EFCAB6: variants seen among roughly 807,000 people sequenced by gnomAD.
The protein encoded by EFCAB6 is EF-hand calcium-binding domain-containing protein 6.
Under a neutral mutation model 169.8 loss-of-function variants are expected in EFCAB6, and 156 were observed. The ratio of observed to expected loss-of-function variants is 0.92; its 90% confidence interval spans 0.81 to 1.05. The LOEUF is 1.05. Ranked by LOEUF, EFCAB6 falls within the 50% of genes least tolerant of loss-of-function variation. The pLI is 0.00. For missense variants in EFCAB6, 1,800 were observed against 1,829.1 expected (o/e 0.98, Z 0.29); for synonymous variants, 698 against 676.4 (o/e 1.03, Z -0.50).
intron 17 of EFCAB6, among the ~76,000 whole-genome samples, chr22:43,661,401 A>G (rs545465505): frequency 1.2e-3 from 177 of 152,260 alleles, no homozygotes; most frequent in Non-Finnish European, 1.7e-3. Flanking sequence ...AATAAAATGC[A>G]AAAGTCAAAG....
intron 3 of EFCAB6, among the ~76,000 whole-genome samples, chr22:43,779,713 C>A (rs979487667): frequency 7.2e-5 from 11 of 151,906 alleles, no homozygotes; most frequent in African/African-American, 2.7e-4. Context: ...GCACTCCAGC[C>A]TGGGCAACAG....
intron 26 of EFCAB6, among the ~76,000 whole-genome samples, chr22:43,566,559 G>A (rs1345389330): frequency 6.6e-6 from 1 of 152,172 alleles, no homozygotes; most frequent in Non-Finnish European, 1.5e-5. Context: ...CTGCTGTATA[G>A]ACAAAGTAAG....
At chr22:43,613,997 C>T (rs1218601856) in intron 21 of EFCAB6, among the ~76,000 whole-genome samples, 1 of 151,724 alleles carries the variant, frequency 6.6e-6, no homozygotes, top group Non-Finnish European at 1.5e-5. Flanking sequence ...AAAACTCTGA[C>T]GAGAAATGTT....
chr22:43,709,944 T>C (rs866440239), intron 10 of EFCAB6, among the ~76,000 whole-genome samples: 1 of 152,188 alleles, frequency 6.6e-6, no homozygotes, highest in East Asian at 1.9e-4. Flanking sequence ...TGGGGTGCTG[T>C]GGGGAATGGA....
At chr22:43,718,673 C>T (rs568214812) in intron 8 of EFCAB6, among the ~76,000 whole-genome samples, 6 of 152,246 alleles carry the variant, frequency 3.9e-5, no homozygotes, top group Non-Finnish European at 8.8e-5. Context: ...CCCAGCTCCT[C>T]GGGAGGCTGA....
intron 25 of EFCAB6, among the ~76,000 whole-genome samples, chr22:43,580,195 A>G (rs1305961766): frequency 6.6e-6 from 1 of 152,098 alleles, no homozygotes; most frequent in Non-Finnish European, 1.5e-5. Flanking sequence ...CTCTTGCCCA[A>G]GGGCCTCTGT....
chr22:43,564,859 G>A (rs756704812), intron 26 of EFCAB6, among the ~76,000 whole-genome samples: 4 of 152,160 alleles, frequency 2.6e-5, no homozygotes, highest in Non-Finnish European at 5.9e-5. Flanking sequence ...TGGATGATCG[G>A]GAAGACAGAA....
chr22:43,701,035 G>A (rs948298230), intron 10 of EFCAB6, among the ~76,000 whole-genome samples: 1 of 152,066 alleles, frequency 6.6e-6, no homozygotes, highest in East Asian at 1.9e-4. Flanking sequence ...AGATAGCCTC[G>A]TCCTGGTAAA....
At chr22:43,602,490 C>A (rs1227649389) in intron 22 of EFCAB6, among the ~76,000 whole-genome samples, 2 of 152,112 alleles carry the variant, frequency 1.3e-5, no homozygotes, top group Non-Finnish European at 2.9e-5. Context: ...ATGGACATAC[C>A]TAGGAGGCGG....
intron 12 of EFCAB6, among the ~76,000 whole-genome samples, chr22:43,680,998 T>A (rs1389082802): frequency 6.6e-6 from 1 of 152,210 alleles, no homozygotes; most frequent in Non-Finnish European, 1.5e-5. Flanking sequence ...TAGCACAGTG[T>A]TGACTAGAAG....
chr22:43,696,195 T>C (rs1451701257), intron 10 of EFCAB6, among the ~76,000 whole-genome samples: 1 of 151,976 alleles, frequency 6.6e-6, no homozygotes, highest in Admixed American at 6.6e-5. Context: ...AATAATCACA[T>C]AAAAAGAGGA....
At chr22:43,654,627 C>T (rs1407467869) in intron 17 of EFCAB6, among the ~76,000 whole-genome samples, 1 of 152,190 alleles carries the variant, frequency 6.6e-6, no homozygotes, top group Non-Finnish European at 1.5e-5. Context: ...ACTGTCAAGG[C>T]CATCAAAAAC....
chr22:43,559,855 C>T (rs2147111049), intron 26 of EFCAB6, among the ~76,000 whole-genome samples: 1 of 152,044 alleles, frequency 6.6e-6, no homozygotes, highest in East Asian at 1.9e-4. Context: ...CACACTGGGG[C>T]CTATTGTTGG....
At chr22:43,754,154 A>G (rs754209585) in intron 6 of EFCAB6, among the ~76,000 whole-genome samples, 20 of 152,230 alleles carry the variant, frequency 1.3e-4, no homozygotes, top group Non-Finnish European at 2.8e-4. Context: ...TGTACTTCAA[A>G]GGAAGCTGTA....
intron 27 of EFCAB6, among the ~76,000 whole-genome samples, chr22:43,541,056 T>A (rs2047686417): frequency 6.6e-6 from 1 of 152,182 alleles, no homozygotes; most frequent in Non-Finnish European, 1.5e-5. Flanking sequence ...GGGCAACTCC[T>A]TCCAATTTGA....
intron 5 of EFCAB6, among the ~76,000 whole-genome samples, chr22:43,760,214 A>AG (rs967857885): frequency 5.4e-5 from 5 of 93,402 alleles, no homozygotes; most frequent in Admixed American, 1.6e-4. Flanking sequence ...AAAAAAAAAA[A>AG]AAAAAGAAAA....
intron 10 of EFCAB6, among the ~76,000 whole-genome samples, chr22:43,706,421 C>T (rs1350423711): frequency 6.6e-6 from 1 of 152,224 alleles, no homozygotes; most frequent in East Asian, 1.9e-4. Context: ...ATTGCATATT[C>T]TAGCTCATTA....
intron 17 of EFCAB6, among the ~76,000 whole-genome samples, chr22:43,665,447 G>C (rs1222189793): frequency 6.6e-6 from 1 of 152,222 alleles, no homozygotes; most frequent in Non-Finnish European, 1.5e-5. Flanking sequence ...ACCAGGGGCA[G>C]ACTAGGGATT....
chr22:43,680,411 T>C (rs2057957016), intron 12 of EFCAB6, among the ~76,000 whole-genome samples: 1 of 152,142 alleles, frequency 6.6e-6, no homozygotes, highest in Non-Finnish European at 1.5e-5. Context: ...TTTTCCAAGA[T>C]TATTTTGGCT....
Sources: allele counts gnomAD v4.1 joint callset (sites outside exome capture counted in the v4.1 genomes callset), GRCh38; gene constraint gnomAD v4.1.1; transcripts MANE v1.5; gene names NCBI Gene and HGNC (gene_info 2026-07-23, HGNC 2026-07-21).